TLE1: variants seen among roughly 807,000 people sequenced by gnomAD.
TLE1 encodes the protein TLE family member 1, transcriptional corepressor.
A neutral mutation model predicts 89.8 loss-of-function variants in TLE1; 21 were observed. That is an observed-to-expected ratio of 0.23 (90% CI 0.17 to 0.34). The LOEUF (loss-of-function observed/expected upper bound fraction) is 0.34, where lower values mean the gene tolerates loss of function less well. Ranked by LOEUF, TLE1 falls within the 10% of genes least tolerant of loss-of-function variation. The probability of loss-of-function intolerance (pLI) is 1.00; values close to 1 mark genes in which losing one functional copy is unlikely to be tolerated. For missense variants in TLE1, 795 were observed against 1,031.2 expected, an observed-to-expected ratio of 0.77 and a Z score of 3.14; for synonymous variants, 447 against 407.6, an observed-to-expected ratio of 1.10 and a Z score of -1.16.
Position 81,585,584 on chromosome 9 carries a change from C to T in TLE1, c.2049G>A (p.Val683=). ...AVGMESSNVE[V]LHVNKPDKYQ... Reference sequence around the variant, plus strand: ...ACTTGTCAGGCTTGTTCACGTGCAGCACCTCCACATTGCTGCTCTCCATGC... The same window carrying T: ...ACTTGTCAGGCTTGTTCACGTGCAGTACCTCCACATTGCTGCTCTCCATGC... The change falls in exon 18 of 20, where the codon GTG becomes GTA. Residue 683 remains valine, a synonymous_variant. Coordinates refer to ENST00000376499, the MANE Select transcript of TLE1 (RefSeq NM_005077.5). 6.2e-7 allele frequency: 1 copy of T among 1,614,154 alleles called. No individual in the cohort carries two copies. The highest frequency in any genetic ancestry group is 2.2e-5 in the East Asian group (1 of 44,866).
chr9:81,624,368 C>A (rs1825662732), intron 8 of TLE1, among the ~76,000 whole-genome samples: 1 of 152,260 alleles, frequency 6.6e-6, no homozygotes, highest in African/African-American at 2.4e-5. Flanking sequence ...AGCAGAGTGA[C>A]AAAGCAGCCC....
chr9:81,641,193 T>C (rs1464489381), intron 6 of TLE1, among the ~76,000 whole-genome samples: 2 of 150,328 alleles, frequency 1.3e-5, no homozygotes, highest in East Asian at 2.0e-4. Flanking sequence ...ATTCCTATCT[T>C]GGGAGACAGC....
At chr9:81,587,627 G>A (rs1828705863) in intron 17 of TLE1, 54 bp downstream of exon 17, 2 of 1,549,030 alleles carry the variant, frequency 1.3e-6, no homozygotes, top group Non-Finnish European at 8.7e-7. Flanking sequence ...TGAGGAGGAA[G>A]ACACACCCCA....
rs1436548346 is a variant in TLE1 at position 81,613,516 on chromosome 9, T to C, written c.924A>G (p.Glu308=). Residue 308 remains glutamate, a synonymous_variant, in exon 12 of 20, where the codon GAA becomes GAG. Coordinates refer to ENST00000376499, the MANE Select transcript of TLE1 (RefSeq NM_005077.5). ...SLKSKEMSLH[E]KASTPVLKSS... ...ATTTCAGAACAGGCGTGCTGGCTTT[T>C]TCATGCTGGTGTCATTAAACAAATT... 6.2e-7 allele frequency: 1 copy of C among 1,614,088 alleles called. No individual in the cohort carries two copies. Among genetic ancestry groups the C allele is most frequent in the South Asian group, 1.1e-5 (1 of 91,034 alleles).
chr9:81,629,525 T>C (rs1052505877), intron 8 of TLE1, among the ~76,000 whole-genome samples: 2 of 152,202 alleles, frequency 1.3e-5, no homozygotes, highest in East Asian at 3.8e-4. Flanking sequence ...ATAAGAAACT[T>C]TAAAGCAGTT....
At chr9:81,632,475 CTTTT>C (rs11376391) in intron 8 of TLE1, among the ~76,000 whole-genome samples, 42 of 79,904 alleles carry the variant, frequency 5.3e-4, no homozygotes, top group East Asian at 1.5e-3. Flanking sequence ...TTCAGTATCC[CTTTT>C]TTTTTTTTTT....
intron 14 of TLE1, among the ~76,000 whole-genome samples, chr9:81,601,350 C>A (rs1830901649): frequency 6.6e-6 from 1 of 152,172 alleles, no homozygotes; most frequent in South Asian, 2.1e-4. Flanking sequence ...TAAGATTTTT[C>A]TTTTCCCTTT....
intron 9 of TLE1, among the ~76,000 whole-genome samples, chr9:81,619,518 T>C (rs1212721100): frequency 2.0e-5 from 3 of 152,204 alleles, no homozygotes; most frequent in Non-Finnish European, 4.4e-5. Flanking sequence ...GCTATAGGCT[T>C]GGGCCAGCCA....
intron 10 of TLE1, among the ~76,000 whole-genome samples, chr9:81,616,397 A>C (rs1378812289): frequency 6.6e-6 from 1 of 152,146 alleles, no homozygotes; most frequent in Admixed American, 6.6e-5. Context: ...ACTGGAAGGA[A>C]AGGGGAGCCA....
intron 4 of TLE1, among the ~76,000 whole-genome samples, chr9:81,662,172 G>A (rs1297981182): frequency 2.0e-5 from 3 of 152,182 alleles, no homozygotes; most frequent in Non-Finnish European, 2.9e-5. Context: ...CCGAGTTTTT[G>A]AGAAAGTTAA....
At chr9:81,614,955 G>A (rs1824229009) in intron 11 of TLE1, among the ~76,000 whole-genome samples, 2 of 151,742 alleles carry the variant, frequency 1.3e-5, no homozygotes, top group Admixed American at 6.6e-5. Context: ...AGCACTTTGG[G>A]AGGCCAAGGC....
chr9:81,633,412 C>A (rs779660859), intron 7 of TLE1, 48 bp from the exon 8 acceptor site: 68 of 1,613,278 alleles, frequency 4.2e-5, no homozygotes, highest in Non-Finnish European at 5.4e-5. Context: ...CGTTCAGACA[C>A]AGAGGCAAGA....
chr9:81,613,334 A>T, intron 12 of TLE1, 43 bp downstream of exon 12: 2 of 1,600,368 alleles, frequency 1.2e-6, no homozygotes, highest in South Asian at 1.1e-5. Flanking sequence ...CAAGCTGGGA[A>T]TGGGAGAAAC....
chr9:81,658,082 T>C (rs2132708929), intron 4 of TLE1, among the ~76,000 whole-genome samples: 1 of 151,662 alleles, frequency 6.6e-6, no homozygotes, highest in East Asian at 1.9e-4. Context: ...GGCTAATTTT[T>C]TGTATTTTTA....
At chr9:81,629,136 G>A (rs1450865532) in intron 8 of TLE1, among the ~76,000 whole-genome samples, 1 of 151,988 alleles carries the variant, frequency 6.6e-6, no homozygotes, top group African/African-American at 2.4e-5. Context: ...ACAGTACTCG[G>A]GCACATAGTC....
At chr9:81,665,849 G>A (rs1831397891) in intron 4 of TLE1, among the ~76,000 whole-genome samples, 2 of 131,458 alleles carry the variant, frequency 1.5e-5, no homozygotes, top group South Asian at 5.3e-4. Flanking sequence ...GGCCCCACTT[G>A]AGGGCTGCCC....
At chr9:81,645,883 C>T (rs1045458008) in intron 6 of TLE1, among the ~76,000 whole-genome samples, 4 of 152,152 alleles carry the variant, frequency 2.6e-5, no homozygotes, top group Non-Finnish European at 5.9e-5. Context: ...ACCTAGTACA[C>T]ACAAAAATAA....
intron 6 of TLE1, among the ~76,000 whole-genome samples, chr9:81,645,455 T>C (rs12235177): frequency 0.21 from 32,260 of 151,562 alleles, 3,978 homozygotes; most frequent in East Asian, 0.47. Flanking sequence ...AAAAGATAAA[T>C]GCTTGCTGGG....
intron 4 of TLE1, among the ~76,000 whole-genome samples, chr9:81,662,361 TTGTGTG>T (rs371936084): frequency 0.013 from 1,784 of 138,448 alleles, 21 homozygotes; most frequent in African/African-American, 0.022. Context: ...TGTGCCTGTT[TTGTGTG>T]TGTGTGTGTG....
Sources: gnomAD v4.1 joint callset for allele counts (sites outside exome capture counted in the v4.1 genomes callset) on GRCh38, gnomAD v4.1.1 for gene constraint, MANE v1.5 for transcripts, NCBI Gene and HGNC (gene_info 2026-07-23, HGNC 2026-07-21) for gene names.